Variants in ITSN2 observed in about 807,000 individuals in gnomAD.
ITSN2 encodes the protein intersectin-2.
In ITSN2, 156 loss-of-function variants were observed where a neutral mutation model predicts 243.7. That is an observed-to-expected ratio of 0.64 (90% confidence interval 0.56 to 0.73). The LOEUF (loss-of-function observed/expected upper bound fraction) is 0.73, where lower values mean the gene tolerates loss of function less well. Among genes scored for constraint, ITSN2 ranks in the 30% least tolerant of loss-of-function variants. The pLI is 0.00. For synonymous variants in ITSN2, 703 were observed against 699.9 expected (o/e 1.00, Z -0.07); for missense variants, 1,801 against 1,996.1 (o/e 0.90, Z 1.86).
intron 1 of ITSN2, among the ~76,000 whole-genome samples, chr2:24,334,923 C>A (rs1031863084): frequency 1.3e-5 from 2 of 151,188 alleles, no homozygotes; most frequent in Admixed American, 6.6e-5. Context: ...ATTAGCCGGG[C>A]GTGGTAGCGG....
chr2:24,210,324 C>T, intron 34 of ITSN2: 1 of 394,478 alleles, frequency 2.5e-6, no homozygotes, highest in South Asian at 3.4e-5. Context: ...AGGAAGATGA[C>T]AATCCAAGAA....
chr2:24,261,034 T>A, intron 22 of ITSN2, 72 bp downstream of exon 22: 1 of 1,370,788 alleles, frequency 7.3e-7, no homozygotes, highest in Non-Finnish European at 1.0e-6. Flanking sequence ...GTCCTTTGTA[T>A]ATAATTTTCA....
upstream of ITSN2, among the ~76,000 whole-genome samples, chr2:24,360,961 G>A (rs756167990): frequency 1.8e-4 from 27 of 152,240 alleles, no homozygotes; most frequent in Non-Finnish European, 4.0e-4. Flanking sequence ...TGATCTGGGG[G>A]AACGAATTCT....
intron 25 of ITSN2, among the ~76,000 whole-genome samples, chr2:24,251,925 T>C (rs1224710336): frequency 6.6e-6 from 1 of 152,182 alleles, no homozygotes; most frequent in Non-Finnish European, 1.5e-5. Flanking sequence ...TTCTGCACTA[T>C]ACCATACTGG....
intron 29 of ITSN2, among the ~76,000 whole-genome samples, chr2:24,223,409 A>G (rs1474899941): frequency 6.6e-6 from 1 of 151,960 alleles, no homozygotes; most frequent in Non-Finnish European, 1.5e-5. Flanking sequence ...GAAATCATAG[A>G]CTGTGGTGCC....
intron 29 of ITSN2, among the ~76,000 whole-genome samples, chr2:24,235,047 T>C (rs150719494): frequency 2.2e-4 from 33 of 152,358 alleles, no homozygotes; most frequent in African/African-American, 7.7e-4. Flanking sequence ...TGCACACAGA[T>C]ATTTGTAACA....
At chr2:24,219,195 C>T (rs953464272) in intron 30 of ITSN2, among the ~76,000 whole-genome samples, 3 of 152,180 alleles carry the variant, frequency 2.0e-5, no homozygotes, top group Admixed American at 6.5e-5. Flanking sequence ...CTTACTGGCC[C>T]CACTGTACCT....
At chr2:24,235,307 C>G (rs1403833944) in intron 29 of ITSN2, among the ~76,000 whole-genome samples, 1 of 151,936 alleles carries the variant, frequency 6.6e-6, no homozygotes, top group Non-Finnish European at 1.5e-5. Flanking sequence ...GTAAAAAGAT[C>G]AGTGGTTGCC....
At chr2:24,205,116 C>A in intron 38 of ITSN2, 98 bp downstream of exon 38, 1 of 977,536 alleles carries the variant, frequency 1.0e-6, no homozygotes, top group Non-Finnish European at 1.6e-6. Flanking sequence ...CACTGCACTC[C>A]AGCCTAGGTT....
intron 29 of ITSN2, 43 bp from the exon 30 acceptor site, chr2:24,221,109 C>T (rs1670410148): frequency 6.3e-7 from 1 of 1,575,164 alleles, no homozygotes; most frequent in South Asian, 1.2e-5. Flanking sequence ...CTTTAGTCAA[C>T]TTTGTAGAAA....
chr2:24,306,787 C>T (rs1055967500), intron 8 of ITSN2, among the ~76,000 whole-genome samples: 9 of 152,060 alleles, frequency 5.9e-5, no homozygotes, highest in African/African-American at 2.2e-4. Flanking sequence ...AGGCACATGC[C>T]GCTATGCCTA....
intron 3 of ITSN2, 100 bp downstream of exon 3, chr2:24,315,032 C>A (rs534378881): frequency 3.9e-5 from 19 of 491,044 alleles, no homozygotes; most frequent in Non-Finnish European, 6.6e-5. Flanking sequence ...TGAATTTTAT[C>A]GTTTATTAAC....
intron 10 of ITSN2, among the ~76,000 whole-genome samples, chr2:24,301,603 G>A (rs940247236): frequency 1.3e-5 from 2 of 148,392 alleles, no homozygotes; most frequent in African/African-American, 5.0e-5. Flanking sequence ...ACAACTTACT[G>A]TAGCCTTGAA....
intron 13 of ITSN2, among the ~76,000 whole-genome samples, 197 bp from the exon 14 acceptor site, chr2:24,296,001 A>G (rs1404582795): frequency 1.3e-5 from 2 of 152,228 alleles, no homozygotes; most frequent in African/African-American, 4.8e-5. Flanking sequence ...GAAACACATC[A>G]TTCTCAGAGT....
At chr2:24,221,093 A>G (rs781529429) in intron 29 of ITSN2, 27 bp from the exon 30 acceptor site, 116 of 1,593,082 alleles carry the variant, frequency 7.3e-5, no homozygotes, top group Non-Finnish European at 9.8e-5. Context: ...GTAGTTTAAA[A>G]TATTACTTTA....
At chr2:24,337,978 C>T (rs1686645932) in intron 1 of ITSN2, among the ~76,000 whole-genome samples, 1 of 152,042 alleles carries the variant, frequency 6.6e-6, no homozygotes, top group Non-Finnish European at 1.5e-5. Flanking sequence ...AATTCTAAGG[C>T]CCCCCAACCT....
chr2:24,357,937 C>T (rs989112994), intron 1 of ITSN2, among the ~76,000 whole-genome samples: 2 of 151,866 alleles, frequency 1.3e-5, no homozygotes, highest in African/African-American at 2.4e-5. Flanking sequence ...TTGTTTGAGA[C>T]GGAGTCTCAC....
chr2:24,248,517 T>C (rs975162673), intron 27 of ITSN2, 112 bp downstream of exon 27: 1 of 793,064 alleles, frequency 1.3e-6, no homozygotes, highest in Non-Finnish European at 1.9e-6. Context: ...ATTGATTACC[T>C]CTAAGTGGAA....
intron 29 of ITSN2, among the ~76,000 whole-genome samples, chr2:24,224,387 T>C (rs980672782): frequency 3.9e-5 from 6 of 152,238 alleles, no homozygotes; most frequent in African/African-American, 1.4e-4. Flanking sequence ...AGGTCCATTT[T>C]GTGTACCAGT....
Sources: allele counts gnomAD v4.1 joint callset (sites outside exome capture counted in the v4.1 genomes callset), GRCh38; gene constraint gnomAD v4.1.1; transcripts MANE v1.5; gene names NCBI Gene and HGNC (gene_info 2026-07-23, HGNC 2026-07-21).